TECR: variants seen among roughly 807,000 people sequenced by gnomAD.
TECR encodes the protein very-long-chain enoyl-CoA reductase.
Under a neutral mutation model 50.6 loss-of-function variants are expected in TECR, and 19 were observed. That is an observed-to-expected ratio of 0.38 (90% CI 0.26 to 0.55). TECR has a LOEUF of 0.55. Ranked by LOEUF, TECR falls within the 20% of genes least tolerant of loss-of-function variation. TECR has a pLI of 0.79. For missense variants in TECR, 313 were observed against 408.3 expected (o/e 0.77, Z 2.01); for synonymous variants, 168 against 163.5 (o/e 1.03, Z -0.21).
At position 14,565,095 on chromosome 19, in the gene TECR, CATGGCCCTGCGGGACCT is replaced by C; in HGVS notation, c.637_653del (p.Met213AlafsTer97). Reference sequence around the variant, plus strand: ...GCCAGCTCGGCAACTTCTCCATCCACATGGCCCTGCGGGACCTGCGGCCCGCTGGTGAGTGCCTGCTG... The same window carrying C: ...GCCAGCTCGGCAACTTCTCCATCCACGCGGCCCGCTGGTGAGTGCCTGCTG... On this transcript the variant is annotated frameshift_variant, in exon 10 of 13. Coordinates refer to ENST00000215567, the MANE Select transcript of TECR (RefSeq NM_138501.6). LOFTEE classifies it high-confidence loss of function. 1 of 1,613,910 alleles carries C rather than the reference CATGGCCCTGCGGGACCT, an allele frequency of 6.2e-7. No individual in the cohort carries two copies. Among genetic ancestry groups the C allele is most frequent in the Non-Finnish European group, 8.5e-7 (1 of 1,180,032 alleles).
At chr19:14,537,576 C>T (rs1008168096) in intron 1 of TECR, among the ~76,000 whole-genome samples, 2 of 152,076 alleles carry the variant, frequency 1.3e-5, no homozygotes, top group African/African-American at 2.4e-5. Context: ...TGAGAAAGGC[C>T]AGAGACCTTG....
chr19:14,535,193 C>T (rs2072817034), intron 1 of TECR, among the ~76,000 whole-genome samples: 2 of 151,180 alleles, frequency 1.3e-5, no homozygotes, highest in South Asian at 2.1e-4. Context: ...GCCAACATGG[C>T]GAAACCCCCT....
At chr19:14,554,587 T>C (rs1441260133) in intron 1 of TECR, among the ~76,000 whole-genome samples, 1 of 152,186 alleles carries the variant, frequency 6.6e-6, no homozygotes, top group Non-Finnish European at 1.5e-5. Context: ...TGCATGGCTG[T>C]GTGTGCCAGG....
intron 1 of TECR, among the ~76,000 whole-genome samples, chr19:14,540,160 C>T (rs559581333): frequency 1.3e-5 from 2 of 151,090 alleles, no homozygotes; most frequent in East Asian, 1.9e-4. Context: ...CCCAGGTTCA[C>T]GCCATTCTCC....
At chr19:14,544,957 A>T (rs762364723) in intron 1 of TECR, among the ~76,000 whole-genome samples, 6 of 151,972 alleles carry the variant, frequency 3.9e-5, no homozygotes, top group Non-Finnish European at 7.4e-5. Flanking sequence ...AACCATTGAC[A>T]CATCAGAATC....
At position 14,563,289 on chromosome 19, in the gene TECR, C is replaced by A; in HGVS notation, c.118+32C>A. 1.3e-6 allele frequency: 2 copies of A among 1,584,126 alleles called. No individual in the cohort carries two copies. Among genetic ancestry groups the A allele is most frequent in the Non-Finnish European group, 1.7e-6 (2 of 1,152,724 alleles). ...TCTAGTCCCGGCCACACTGCCCCTG[C>A]AACCCCTTTGACCAGGGACCTTAGG... On this transcript the variant is annotated intron_variant, in intron 3 of 12. Coordinates refer to ENST00000215567, the MANE Select transcript of TECR (RefSeq NM_138501.6). The surrounding 1 kb of genome is among the most constrained non-coding windows in gnomAD (Gnocchi z 5.3).
chr19:14,549,370 G>A (rs752730843), intron 1 of TECR, among the ~76,000 whole-genome samples: 22 of 151,976 alleles, frequency 1.4e-4, no homozygotes, highest in African/African-American at 2.7e-4. Flanking sequence ...GCGCCACCAT[G>A]CCCAGCTAAC....
At chr19:14,528,173 C>T (rs182427183), upstream of TECR, among the ~76,000 whole-genome samples, 196 of 151,916 alleles carry the variant, frequency 1.3e-3, no homozygotes, top group Non-Finnish European at 1.3e-3. Context: ...TGTGAGCCAC[C>T]GTGCCTGGCC....
intron 1 of TECR, among the ~76,000 whole-genome samples, chr19:14,538,023 G>A (rs1230674447): frequency 6.6e-6 from 1 of 152,196 alleles, no homozygotes; most frequent in East Asian, 1.9e-4. Context: ...TGGGATTACA[G>A]GCGTGAGCCA....
upstream of TECR, chr19:14,529,321 A>G (rs1487323089): frequency 2.4e-6 from 1 of 417,806 alleles, no homozygotes; most frequent in East Asian, 4.7e-5. Context: ...CTTGGTTTCC[A>G]CAGCGACGCC....
At chr19:14,546,461 T>G (rs2073310419) in intron 1 of TECR, among the ~76,000 whole-genome samples, 2 of 152,030 alleles carry the variant, frequency 1.3e-5, no homozygotes, top group Non-Finnish European at 2.9e-5. Context: ...GTGGCACGTG[T>G]CTGTAATCCT....
At chr19:14,553,150 C>T (rs996082846) in intron 1 of TECR, among the ~76,000 whole-genome samples, 2 of 152,110 alleles carry the variant, frequency 1.3e-5, no homozygotes, top group African/African-American at 2.4e-5. Flanking sequence ...GGAGCTCGTG[C>T]GTCCGATGAC....
intron 1 of TECR, among the ~76,000 whole-genome samples, chr19:14,558,681 G>T (rs1599486520): frequency 6.6e-6 from 1 of 152,050 alleles, no homozygotes; most frequent in Non-Finnish European, 1.5e-5. Context: ...CCCCTTGCCC[G>T]TGGCCAGTGC....
intron 1 of TECR, among the ~76,000 whole-genome samples, chr19:14,548,226 G>T (rs1376477312): frequency 1.3e-5 from 2 of 151,920 alleles, no homozygotes; most frequent in Non-Finnish European, 2.9e-5. Flanking sequence ...CTCCCAAAGT[G>T]CTGGGATTAC....
intron 11 of TECR, 102 bp from the exon 12 acceptor site, chr19:14,565,516 A>C (rs2074052616): frequency 6.6e-7 from 1 of 1,520,296 alleles, no homozygotes; most frequent in African/African-American, 1.4e-5. Flanking sequence ...CCCATCCCTG[A>C]CTCAGAAAGC....
At chr19:14,535,278 T>C (rs927850429) in intron 1 of TECR, among the ~76,000 whole-genome samples, 4 of 151,210 alleles carry the variant, frequency 2.6e-5, no homozygotes, top group Admixed American at 2.0e-4. Flanking sequence ...GAGGCCGAGG[T>C]GGGTGAATCA....
At chr19:14,554,609 C>T (rs545470810) in intron 1 of TECR, among the ~76,000 whole-genome samples, 176 of 152,292 alleles carry the variant, frequency 1.2e-3, no homozygotes, top group Admixed American at 2.0e-3. Context: ...CTTCAGGCTG[C>T]GCCTCCAGGG....
chr19:14,565,013 G>T, intron 9 of TECR, 21 bp downstream of exon 9: 1 of 1,613,986 alleles, frequency 6.2e-7, no homozygotes, highest in Non-Finnish European at 8.5e-7. Context: ...TGGGTGTGGG[G>T]ACGGGGTCGG....
intron 1 of TECR, among the ~76,000 whole-genome samples, chr19:14,549,311 C>T (rs891422881): frequency 6.8e-6 from 1 of 148,014 alleles, no homozygotes; most frequent in African/African-American, 2.5e-5. Context: ...CTCCCGGGTT[C>T]AAGCAGTTCT....
Sources: gnomAD v4.1 joint callset for allele counts (sites outside exome capture counted in the v4.1 genomes callset) on GRCh38, gnomAD v4.1.1 for gene constraint, Gnocchi (gnomAD v3.1) non-coding constraint, MANE v1.5 for transcripts, NCBI Gene and HGNC (gene_info 2026-07-23, HGNC 2026-07-21) for gene names.